Variants in SGCZ observed in about 807,000 individuals in gnomAD.
SGCZ encodes the protein sarcoglycan zeta.
In SGCZ, 40 loss-of-function variants were observed where a neutral mutation model predicts 41.3. The observed-to-expected ratio is 0.97, with a 90% confidence interval of 0.75 to 1.26. SGCZ has a LOEUF of 1.26. Among genes scored for constraint, SGCZ ranks in the 50% most tolerant of loss-of-function variants. The pLI is 0.00. For missense variants in SGCZ, 552 were observed against 369.8 expected (o/e 1.49, Z -4.04); for synonymous variants, 206 against 137.5 (o/e 1.50, Z -3.49).
chr8:14,597,913 C>A (rs1486146580), intron 1 of SGCZ, among the ~76,000 whole-genome samples: 1 of 152,170 alleles, frequency 6.6e-6, no homozygotes, highest in Admixed American at 6.6e-5. Context: ...AAAACCTATT[C>A]CTTTTGCTAC....
intron 1 of SGCZ, among the ~76,000 whole-genome samples, chr8:15,003,018 C>A (rs899790693): frequency 1.3e-5 from 2 of 152,112 alleles, no homozygotes; most frequent in African/African-American, 4.8e-5. Flanking sequence ...CCATGTACAA[C>A]GTAACTTTGC....
chr8:14,614,984 ATG>A (rs968041640), intron 1 of SGCZ, among the ~76,000 whole-genome samples: 2 of 135,000 alleles, frequency 1.5e-5, no homozygotes, highest in African/African-American at 5.2e-5. Context: ...GTACACACAT[ATG>A]TGTGTGTATA....
intron 1 of SGCZ, among the ~76,000 whole-genome samples, chr8:14,829,768 C>T (rs1802463506): frequency 6.6e-6 from 1 of 151,890 alleles, no homozygotes; most frequent in African/African-American, 2.4e-5. Flanking sequence ...TAAAAAAAAT[C>T]ATAAAACTTG....
At chr8:14,554,666 A>C in intron 2 of SGCZ, 66 bp downstream of exon 2, 1 of 1,307,308 alleles carries the variant, frequency 7.6e-7, no homozygotes, top group Non-Finnish European at 1.0e-6. Flanking sequence ...TTAAAAAATT[A>C]AAGTAACAGA....
intron 1 of SGCZ, among the ~76,000 whole-genome samples, chr8:14,817,999 C>G (rs1464645090): frequency 6.6e-6 from 1 of 152,148 alleles, no homozygotes; most frequent in Non-Finnish European, 1.5e-5. Context: ...GGTACATTTA[C>G]TTATCCCAAT....
chr8:14,812,395 C>A (rs926519573), intron 1 of SGCZ, among the ~76,000 whole-genome samples: 4 of 151,966 alleles, frequency 2.6e-5, no homozygotes, highest in African/African-American at 9.7e-5. Context: ...AATCTGTTAG[C>A]CATGTCAGAT....
intron 3 of SGCZ, among the ~76,000 whole-genome samples, chr8:14,261,617 A>G (rs1035542494): frequency 6.6e-6 from 1 of 152,204 alleles, no homozygotes; most frequent in African/African-American, 2.4e-5. Flanking sequence ...GTGGATGTTT[A>G]TAGTTATTCT....
intron 1 of SGCZ, among the ~76,000 whole-genome samples, chr8:14,846,932 C>A (rs372693389): frequency 2.0e-5 from 3 of 151,660 alleles, no homozygotes; most frequent in African/African-American, 7.3e-5. Context: ...ATTAGCTGGG[C>A]GTGGTGGCAC....
intron 2 of SGCZ, among the ~76,000 whole-genome samples, chr8:14,483,525 T>G (rs1462242135): frequency 6.6e-6 from 1 of 152,186 alleles, no homozygotes; most frequent in East Asian, 1.9e-4. Context: ...GAACTGTGAT[T>G]GCACTCCTGC....
At chr8:14,735,541 C>A (rs1040662729) in intron 1 of SGCZ, among the ~76,000 whole-genome samples, 7 of 152,124 alleles carry the variant, frequency 4.6e-5, no homozygotes, top group African/African-American at 1.7e-4. Flanking sequence ...AGGCCTTTGG[C>A]CACAGACTGA....
chr8:14,345,508 A>G (rs61308219), intron 2 of SGCZ, among the ~76,000 whole-genome samples: 8,817 of 152,168 alleles, frequency 0.058, 745 homozygotes, highest in African/African-American at 0.19. Flanking sequence ...ATAACACAAC[A>G]AACACATTAT....
chr8:14,895,721 G>A (rs897398778), intron 1 of SGCZ, among the ~76,000 whole-genome samples: 2 of 151,972 alleles, frequency 1.3e-5, no homozygotes, highest in African/African-American at 2.4e-5. Flanking sequence ...TGTTCTTTTC[G>A]AATGTGTGAT....
At chr8:14,759,008 C>CAA (rs760673509) in intron 1 of SGCZ, among the ~76,000 whole-genome samples, 28,678 of 112,080 alleles carry the variant, frequency 0.26, 4,115 homozygotes, top group African/African-American at 0.46. Flanking sequence ...AACTCCATCT[C>CAA]AAAAAAAAAA....
chr8:14,676,572 T>C (rs967356960), intron 1 of SGCZ, among the ~76,000 whole-genome samples: 7 of 152,018 alleles, frequency 4.6e-5, no homozygotes, highest in African/African-American at 1.7e-4. Context: ...CACAGGAAAA[T>C]AGTCCAACAT....
At chr8:14,306,165 T>G (rs1801347300) in intron 3 of SGCZ, among the ~76,000 whole-genome samples, 1 of 152,262 alleles carries the variant, frequency 6.6e-6, no homozygotes, top group African/African-American at 2.4e-5. Context: ...ACATATAACT[T>G]TTAGAAAATT....
intron 3 of SGCZ, among the ~76,000 whole-genome samples, chr8:14,244,690 G>A (rs950373308): frequency 1.8e-4 from 28 of 151,696 alleles, no homozygotes; most frequent in Admixed American, 7.9e-4. Flanking sequence ...GGGCAGTATG[G>A]CCATTTTCAC....
chr8:14,246,175 T>C (rs751221806), intron 3 of SGCZ, among the ~76,000 whole-genome samples: 26 of 152,152 alleles, frequency 1.7e-4, no homozygotes, highest in Non-Finnish European at 2.9e-4. Context: ...GTATTCACAA[T>C]AGCAAAGACT....
chr8:14,854,442 A>G (rs947064004), intron 1 of SGCZ, among the ~76,000 whole-genome samples: 1 of 152,170 alleles, frequency 6.6e-6, no homozygotes, highest in Non-Finnish European at 1.5e-5. Context: ...ATAAAAATAT[A>G]CACATTTATT....
chr8:14,763,186 C>T (rs1397122312), intron 1 of SGCZ, among the ~76,000 whole-genome samples: 1 of 152,112 alleles, frequency 6.6e-6, no homozygotes, highest in Non-Finnish European at 1.5e-5. Context: ...AGAGACTGGC[C>T]TGTCAAGTTC....
Sources: gnomAD v4.1 joint callset for allele counts (sites outside exome capture counted in the v4.1 genomes callset) on GRCh38, gnomAD v4.1.1 for gene constraint, MANE v1.5 for transcripts, NCBI Gene and HGNC (gene_info 2026-07-23, HGNC 2026-07-21) for gene names.